NFIA: variants seen among roughly 807,000 people sequenced by gnomAD.
NFIA encodes the protein nuclear factor 1 A-type.
Under a neutral mutation model 62.8 loss-of-function variants are expected in NFIA, and 8 were observed. The observed-to-expected ratio is 0.13, with a 90% CI of 0.07 to 0.23. The LOEUF is 0.23. Ranked by LOEUF, NFIA falls within the 10% of genes least tolerant of loss-of-function variation. The pLI, the probability that NFIA is intolerant of heterozygous loss-of-function variation, is 1.00. For missense variants in NFIA, 410 were observed against 642.1 expected, an observed-to-expected ratio of 0.64 and a Z score of 3.91; for synonymous variants, 235 against 238.1, an observed-to-expected ratio of 0.99 and a Z score of 0.12.
chr1:61,440,808 G>T (rs1300948130), intron 10 of NFIA, among the ~76,000 whole-genome samples: 1 of 151,934 alleles, frequency 6.6e-6, no homozygotes, highest in Non-Finnish European at 1.5e-5. Context: ...GTCTTTATAT[G>T]ATGACTCAGA....
At chr1:61,265,016 G>A (rs191798854) in intron 2 of NFIA, among the ~76,000 whole-genome samples, 46 of 152,276 alleles carry the variant, frequency 3.0e-4, no homozygotes, top group African/African-American at 9.4e-4. Context: ...GCGAATTCAC[G>A]TGTTTTAGTT....
intron 3 of NFIA, among the ~76,000 whole-genome samples, chr1:61,293,135 A>G (rs951133519): frequency 6.6e-6 from 1 of 151,840 alleles, no homozygotes; most frequent in African/African-American, 2.4e-5. Context: ...CACTTAGGTC[A>G]CTCTGCCATG....
chr1:61,332,470 G>GTTTGACACTT (rs1661348298), intron 3 of NFIA, 42 bp from the exon 4 acceptor site: 2 of 1,556,766 alleles, frequency 1.3e-6, no homozygotes, highest in Middle Eastern at 3.4e-4. Context: ...CAAATGTCTT[G>GTTTGACACTT]TATTTATGAC....
intron 2 of NFIA, among the ~76,000 whole-genome samples, chr1:61,264,544 AGG>A (rs1657017367): frequency 6.6e-6 from 1 of 150,848 alleles, no homozygotes; most frequent in African/African-American, 2.4e-5. Flanking sequence ...CCAGCTACTC[AGG>A]AGGCTGAGAC....
chr1:61,241,658 C>T (rs1012728143), intron 2 of NFIA, among the ~76,000 whole-genome samples: 1 of 151,582 alleles, frequency 6.6e-6, no homozygotes. Flanking sequence ...CCAACCCCCT[C>T]CCCCCACACA....
intron 2 of NFIA, among the ~76,000 whole-genome samples, chr1:61,145,611 G>T (rs1001465866): frequency 1.3e-5 from 2 of 152,154 alleles, no homozygotes; most frequent in South Asian, 2.1e-4. Flanking sequence ...TCACACATGG[G>T]CATGTGTGTA....
At chr1:61,449,999 A>G (rs1667989494) in intron 10 of NFIA, among the ~76,000 whole-genome samples, 1 of 152,160 alleles carries the variant, frequency 6.6e-6, no homozygotes, top group African/African-American at 2.4e-5. Flanking sequence ...GGAAAAAGTG[A>G]CACCAATCCT....
intron 4 of NFIA, among the ~76,000 whole-genome samples, chr1:61,343,757 T>C (rs2100415166): frequency 6.6e-6 from 1 of 152,354 alleles, no homozygotes; most frequent in South Asian, 2.1e-4. Context: ...AAGGAGTTGC[T>C]GAAGACTGTG....
At chr1:61,248,669 A>G (rs1049254324) in intron 2 of NFIA, among the ~76,000 whole-genome samples, 1 of 152,232 alleles carries the variant, frequency 6.6e-6, no homozygotes, top group African/African-American at 2.4e-5. Flanking sequence ...CTGCAGTCCC[A>G]ACTTAAATAC....
chr1:61,347,165 C>CCT (rs1662272905), intron 4 of NFIA, among the ~76,000 whole-genome samples: 1 of 70,108 alleles, frequency 1.4e-5, no homozygotes, highest in Non-Finnish European at 2.4e-5. Context: ...CTGGATCCCA[C>CCT]TTTTTTTTTT....
chr1:61,228,711 G>C (rs1281294971), intron 2 of NFIA, among the ~76,000 whole-genome samples: 1 of 151,916 alleles, frequency 6.6e-6, no homozygotes, highest in Non-Finnish European at 1.5e-5. Context: ...TGTACATGAA[G>C]GTTTTCGGTG....
chr1:61,216,488 T>C (rs1653633503), intron 2 of NFIA, among the ~76,000 whole-genome samples: 1 of 152,220 alleles, frequency 6.6e-6, no homozygotes, highest in Admixed American at 6.5e-5. Flanking sequence ...CAGTTGGCTC[T>C]TGAAATGAGA....
At chr1:61,323,377 A>G (rs1660773250) in intron 3 of NFIA, among the ~76,000 whole-genome samples, 2 of 152,200 alleles carry the variant, frequency 1.3e-5, no homozygotes, top group Non-Finnish European at 2.9e-5. Flanking sequence ...CCAACACCAT[A>G]TGTCAACCTT....
At chr1:61,147,819 G>T (rs1375224899) in intron 2 of NFIA, among the ~76,000 whole-genome samples, 1 of 152,090 alleles carries the variant, frequency 6.6e-6, no homozygotes, top group Non-Finnish European at 1.5e-5. Context: ...AAGAAAAGTA[G>T]CTTGGTGTGA....
At chr1:61,262,405 T>A (rs1391436300) in intron 2 of NFIA, among the ~76,000 whole-genome samples, 1 of 152,228 alleles carries the variant, frequency 6.6e-6, no homozygotes, top group Non-Finnish European at 1.5e-5. Flanking sequence ...ACGTTTTTAA[T>A]GAAAGTCCTT....
intron 3 of NFIA, among the ~76,000 whole-genome samples, chr1:61,281,248 A>G (rs1448664023): frequency 6.6e-6 from 1 of 151,682 alleles, no homozygotes; most frequent in Non-Finnish European, 1.5e-5. Flanking sequence ...AAAAAAAAAA[A>G]AGAAAAGAAA....
chr1:61,138,943 A>G (rs1647299207), intron 2 of NFIA, among the ~76,000 whole-genome samples: 1 of 151,012 alleles, frequency 6.6e-6, no homozygotes, highest in Non-Finnish European at 1.5e-5. Context: ...TAACCCCAGC[A>G]CTTTGGGAGG....
At chr1:61,445,270 C>T (rs1216335654) in intron 10 of NFIA, among the ~76,000 whole-genome samples, 1 of 152,148 alleles carries the variant, frequency 6.6e-6, no homozygotes, top group Non-Finnish European at 1.5e-5. Context: ...AGGCCCTTCA[C>T]GGAGACTGTC....
chr1:61,325,932 CAAAAA>C (rs36122626), intron 3 of NFIA, among the ~76,000 whole-genome samples: 24 of 87,898 alleles, frequency 2.7e-4, no homozygotes, highest in African/African-American at 6.4e-4. Flanking sequence ...GACTCTGTCT[CAAAAA>C]AAAAAAAAAA....
Sources: allele counts gnomAD v4.1 joint callset (sites outside exome capture counted in the v4.1 genomes callset), GRCh38; gene constraint gnomAD v4.1.1; transcripts MANE v1.5; gene names NCBI Gene and HGNC (gene_info 2026-07-23, HGNC 2026-07-21).